Variants in RPTOR observed in about 807,000 individuals in gnomAD.
The protein encoded by RPTOR is regulatory associated protein of MTOR complex 1.
A neutral mutation model predicts 169.9 loss-of-function variants in RPTOR; 21 were observed. The ratio of observed to expected loss-of-function variants is 0.12; its 90% confidence interval spans 0.09 to 0.18. The LOEUF is 0.18. Ranked by LOEUF, RPTOR falls within the 10% of genes least tolerant of loss-of-function variation. RPTOR has a pLI of 1.00. For synonymous variants in RPTOR, 732 were observed against 753.2 expected (o/e 0.97, Z 0.46); for missense variants, 1,133 against 1,855.9 (o/e 0.61, Z 7.16).
In RPTOR at chr17:80,962,924, A is replaced by G; in HGVS notation, c.3810-4A>G. 1 of 1,613,474 alleles carries G rather than the reference A, an allele frequency of 6.2e-7. No homozygotes were observed. Among genetic ancestry groups the G allele is most frequent in the Non-Finnish European group, 8.5e-7 (1 of 1,179,898 alleles). On this transcript the variant is annotated splice_region_variant and splice_polypyrimidine_tract_variant and intron_variant, in intron 32 of 33. Coordinates refer to ENST00000306801, the MANE Select transcript of RPTOR (RefSeq NM_020761.3). The stretch of plus-strand genomic sequence containing the variant: ...TGATGCCGGGACCCTTTCTCTCCCC[A>G]CAGTGGCTCCGTCAATCAGTTCACC...
rs577970917 is a variant in RPTOR, at chr17:80,891,900, G to A, written c.2101+63G>A. ...GCCTGGCGGTTCTAGTGCAGGCCGC[G>A]GCCCAGTCTTGCTCACCCTCGCAGA... is the stretch of plus-strand genomic sequence containing the variant. On this transcript the variant is annotated intron_variant, in intron 18 of 33. Transcript: ENST00000306801. 45 of 1,183,958 alleles carry A rather than the reference G, an allele frequency of 3.8e-5. No individual in the cohort carries two copies. The African/African-American group carries it at 4.3e-4, about 11-fold the overall frequency. The allele number at this position is 1,183,958 out of a possible 1,614,324, so 73.3% of individuals were successfully genotyped here.
chr17:80,912,706 C>G lies in RPTOR; in HGVS notation c.2520+3777C>G, dbSNP rs144287249. On this transcript the variant is annotated intron_variant, in intron 21 of 33. Transcript: ENST00000306801. Reference sequence around the variant, plus strand: ...TAGTGTAGCTGGACGGCCCGCCCCCCTCTCCCACCACGGTAAGGCAGTTAA... The same window carrying G: ...TAGTGTAGCTGGACGGCCCGCCCCCGTCTCCCACCACGGTAAGGCAGTTAA... Among the ~76,000 whole-genome samples, 51 of 152,316 alleles carry G rather than the reference C, an allele frequency of 3.3e-4. 2 individuals carry two copies. In the East Asian group the frequency reaches 9.4e-3, roughly 28 times the overall value.
chr17:80,613,072 C>T (rs1159100576), intron 1 of RPTOR, among the ~76,000 whole-genome samples: 2 of 152,160 alleles, frequency 1.3e-5, no homozygotes, highest in South Asian at 4.1e-4. Context: ...ATGAAGGCCC[C>T]CCTGCCCTGG....
chr17:80,717,140 A>T (rs1156309180), intron 4 of RPTOR, among the ~76,000 whole-genome samples: 2 of 152,090 alleles, frequency 1.3e-5, no homozygotes, highest in Non-Finnish European at 2.9e-5. Context: ...ATTGCATTGA[A>T]ATGAGTGGAT....
chr17:80,932,162 T>TATATATATAC, intron 24 of RPTOR, among the ~76,000 whole-genome samples: 1 of 151,428 alleles, frequency 6.6e-6, no homozygotes, highest in Middle Eastern at 3.5e-3. Flanking sequence ...TATATATATA[T>TATATATATAC]ATACACCTTA....
chr17:80,743,069 A>C (rs769151006), intron 5 of RPTOR, among the ~76,000 whole-genome samples: 3 of 152,106 alleles, frequency 2.0e-5, no homozygotes, highest in Non-Finnish European at 4.4e-5. Context: ...ATCCAGCCTT[A>C]TTAGATTGTC....
intron 3 of RPTOR, among the ~76,000 whole-genome samples, chr17:80,694,572 C>T (rs1211832546): frequency 6.6e-6 from 1 of 152,210 alleles, no homozygotes; most frequent in Non-Finnish European, 1.5e-5. Flanking sequence ...TCCTTCCATC[C>T]AGCATCAGGT....
At chr17:80,856,944 C>T (rs1255740720) in intron 12 of RPTOR, among the ~76,000 whole-genome samples, 1 of 152,220 alleles carries the variant, frequency 6.6e-6, no homozygotes, top group East Asian at 1.9e-4. Context: ...AGAAACTGCT[C>T]ATACCTTGTT....
At chr17:80,842,139 G>A (rs1263527142) in intron 10 of RPTOR, among the ~76,000 whole-genome samples, 2 of 152,178 alleles carry the variant, frequency 1.3e-5, no homozygotes, top group African/African-American at 4.8e-5. Context: ...GGGCCACTGG[G>A]CATTTTCAGT....
intron 1 of RPTOR, among the ~76,000 whole-genome samples, chr17:80,606,309 CT>C (rs56331722): frequency 0.3 from 36,928 of 123,638 alleles, 5,477 homozygotes; most frequent in South Asian, 0.43. Flanking sequence ...GGTGCCTGGC[CT>C]TTTTTTTTTT....
At chr17:80,912,090 T>C (rs1206980646) in intron 21 of RPTOR, among the ~76,000 whole-genome samples, 2 of 152,364 alleles carry the variant, frequency 1.3e-5, no homozygotes, top group African/African-American at 4.8e-5. Flanking sequence ...CTACCACTTT[T>C]AGTTTAAGAT....
In RPTOR at chr17:80,892,227, G is replaced by A. The variant is rs115431496; in HGVS notation, c.2101+390G>A. On this transcript the variant is annotated intron_variant, in intron 18 of 33. Transcript: ENST00000306801. ...TCAGGCGTGCTTTCTCACACGTGTC[G>A]TTTTGACTGGAGAGTACAGTTCCTA... is the stretch of plus-strand genomic sequence containing the variant. Among the ~76,000 whole-genome samples the A allele has an allele frequency of 6.4e-3, 967 of 152,146 alleles. 11 individuals are homozygous for A. Among genetic ancestry groups the A allele is most frequent in the African/African-American group, 0.022 (909 of 41,502 alleles).
chr17:80,907,554 A>G (rs983525849), intron 20 of RPTOR, among the ~76,000 whole-genome samples: 2 of 152,218 alleles, frequency 1.3e-5, no homozygotes, highest in Admixed American at 6.5e-5. Flanking sequence ...CGTGGACAAC[A>G]GTTCGGCAAT....
intron 25 of RPTOR, among the ~76,000 whole-genome samples, chr17:80,943,693 A>G (rs1425461620): frequency 6.7e-6 from 1 of 150,368 alleles, no homozygotes; most frequent in Non-Finnish European, 1.5e-5. Context: ...GAGGCGGGCA[A>G]CGGTCCTCTG....
chr17:80,810,785 A>G (rs2067264913), intron 7 of RPTOR, among the ~76,000 whole-genome samples: 1 of 152,216 alleles, frequency 6.6e-6, no homozygotes, highest in African/African-American at 2.4e-5. Flanking sequence ...ATCTTCCATA[A>G]TCATCACATA....
At chr17:80,869,703 T>A (rs1169083289) in intron 13 of RPTOR, among the ~76,000 whole-genome samples, 1 of 152,206 alleles carries the variant, frequency 6.6e-6, no homozygotes, top group African/African-American at 2.4e-5. Flanking sequence ...GTCACGTGTC[T>A]GGAGTGTGAT....
chr17:80,611,264 A>T (rs1164300492), intron 1 of RPTOR, among the ~76,000 whole-genome samples: 2 of 151,900 alleles, frequency 1.3e-5, no homozygotes, highest in Non-Finnish European at 2.9e-5. Context: ...TGTTATTATT[A>T]TTATTATTAT....
At chr17:80,634,831 T>TGTGCATACTGTGTGC (rs1567831680) in intron 2 of RPTOR, among the ~76,000 whole-genome samples, 1 of 132,126 alleles carries the variant, frequency 7.6e-6, no homozygotes, top group Non-Finnish European at 1.6e-5. Flanking sequence ...ATACTGTGTG[T>TGTGCATACTGTGTGC]GTGTGCATAC....
chr17:80,639,482 G>A (rs576961426), intron 2 of RPTOR, among the ~76,000 whole-genome samples: 1 of 152,120 alleles, frequency 6.6e-6, no homozygotes, highest in East Asian at 1.9e-4. Flanking sequence ...GATGACCATT[G>A]GCCCAGAAGT....
Sources: gnomAD v4.1 joint callset for allele counts (sites outside exome capture counted in the v4.1 genomes callset) on GRCh38, gnomAD v4.1.1 for gene constraint, MANE v1.5 for transcripts, NCBI Gene and HGNC (gene_info 2026-07-23, HGNC 2026-07-21) for gene names.